VCAM1: variants seen among roughly 807,000 people sequenced by gnomAD.
The protein encoded by VCAM1 is vascular cell adhesion molecule 1.
In VCAM1, 41 loss-of-function variants were observed where a neutral mutation model predicts 63.8. The ratio of observed to expected loss-of-function variants is 0.64; its 90% CI spans 0.50 to 0.83. The LOEUF is 0.83. VCAM1 is among the 40% of genes least tolerant of loss of function. The pLI is 0.00. For missense variants in VCAM1, 798 were observed against 875.5 expected (o/e 0.91, Z 1.12); for synonymous variants, 338 against 320.7 (o/e 1.05, Z -0.58).
At chr1:100,724,585 A>T in intron 3 of VCAM1, 39 bp from the exon 4 acceptor site, 1 of 1,599,496 alleles carries the variant, frequency 6.3e-7, no homozygotes, top group Non-Finnish European at 8.5e-7. Context: ...CACTGGGATG[A>T]TGCTTAGCAA....
In VCAM1 at chr1:100,738,245, T is replaced by C. The variant is rs1660730071; in HGVS notation, c.2182T>C (p.Ser728Pro). The change falls in exon 9 of 9, where the codon TCA becomes CCA. Residue 728 changes from serine to proline, a missense_variant. Physicochemically the swap from Ser to Pro is moderately conservative, Grantham distance 74. Transcript: ENST00000294728. ...YFARKANMKG[S>P]YSLVEAQKSK... ...TGCAAGAAAAGCCAACATGAAGGGGTCATATAGTCTTGTAGAAGCACAGAA... is the reference window on the plus strand; with the variant it reads ...TGCAAGAAAAGCCAACATGAAGGGGCCATATAGTCTTGTAGAAGCACAGAA... 6.2e-7 allele frequency: 1 copy of C among 1,613,516 alleles called. No homozygotes were observed. Among genetic ancestry groups the C allele is most frequent in the African/African-American group, 1.3e-5 (1 of 74,870 alleles).
chr1:100,724,245 G>A (rs1660081530), intron 3 of VCAM1, among the ~76,000 whole-genome samples: 1 of 152,032 alleles, frequency 6.6e-6, no homozygotes. Flanking sequence ...AATATGTAGA[G>A]CTGTCCAAAA....
chr1:100,731,552 AC>A lies in VCAM1; in HGVS notation c.1525+36del, dbSNP rs766534804. ...ATATGTGAGGTATCTACAGTTTAAT[AC>A]CTGTCTCTTTATCGTGTTTGCCAGG... On this transcript the variant is annotated intron_variant, in intron 6 of 8. Coordinates refer to ENST00000294728, the MANE Select transcript of VCAM1 (RefSeq NM_001078.4). The surrounding 1 kb of genome is among the most constrained non-coding windows in gnomAD (Gnocchi z 4.2). The A allele has an allele frequency of 1.9e-6, 3 of 1,559,414 alleles. No homozygotes were observed. The South Asian group carries it at 3.6e-5, about 19-fold the overall frequency.
chr1:100,732,552 G>A lies in VCAM1; in HGVS notation c.1660G>A (p.Glu554Lys). Residue 554 changes from glutamate (E) to lysine (K), a missense_variant, in exon 7 of 9, where the codon GAG becomes AAG. Coordinates refer to ENST00000294728, the MANE Select transcript of VCAM1 (RefSeq NM_001078.4). ...ILWSRQLPNGELQPLSENATL... is the reference protein window; with the variant it reads ...ILWSRQLPNGKLQPLSENATL... ...GTGGAGCAGGCAGCTCCCTAACGGGGAGCTACAGCCTCTTTCTGAGAATGC... is the reference window on the plus strand; with the variant it reads ...GTGGAGCAGGCAGCTCCCTAACGGGAAGCTACAGCCTCTTTCTGAGAATGC... The A allele has an allele frequency of 1.2e-6, 2 of 1,613,228 alleles. No homozygotes were observed. The highest frequency in any genetic ancestry group is 1.7e-6 in the Non-Finnish European group (2 of 1,179,678).
Position 100,730,331 on chromosome 1 carries a change from GAGAACCAGC to G in VCAM1, c.1205-864_1205-856del, listed in dbSNP as rs533076580. ...AGATAGGCACATTCCCAGCAGAAATGAGAACCAGCAGTGGGGTCTTATTGCAACATAGAA... is the reference window on the plus strand; with the variant it reads ...AGATAGGCACATTCCCAGCAGAAATGAGTGGGGTCTTATTGCAACATAGAA... On this transcript the variant is annotated intron_variant, in intron 5 of 8. Coordinates refer to ENST00000294728, the MANE Select transcript of VCAM1 (RefSeq NM_001078.4). Among the ~76,000 whole-genome samples the G allele has an allele frequency of 9.2e-5, 14 of 152,192 alleles. No homozygotes were observed. The South Asian group carries it at 2.5e-3, about 27-fold the overall frequency.
At chr1:100,724,575 C>T (rs376937239) in intron 3 of VCAM1, 49 bp from the exon 4 acceptor site, 40 of 1,586,430 alleles carry the variant, frequency 2.5e-5, no homozygotes, top group Non-Finnish European at 3.4e-5. Context: ...ACCTCTGTTG[C>T]ACTGGGATGA....
intron 4 of VCAM1, 126 bp downstream of exon 4, chr1:100,725,016 C>A (rs1341091989): frequency 1.5e-5 from 18 of 1,219,918 alleles, no homozygotes; most frequent in Middle Eastern, 2.9e-4. Context: ...TTGCCATATC[C>A]TTTAGCACAA....
At chr1:100,725,604 T>G (rs1660134567) in intron 4 of VCAM1, among the ~76,000 whole-genome samples, 1 of 152,112 alleles carries the variant, frequency 6.6e-6, no homozygotes, top group Non-Finnish European at 1.5e-5. Context: ...TTTATCTCAT[T>G]AATCTTTACC....
chr1:100,719,789 C>T lies in VCAM1; in HGVS notation c.-72C>T. 6 of 1,527,878 alleles carry T rather than the reference C, an allele frequency of 3.9e-6. No homozygotes were observed. Among genetic ancestry groups the T allele is most frequent in the Non-Finnish European group, 4.5e-6 (5 of 1,114,168 alleles). The allele number at this position is 1,527,878 out of a possible 1,614,324, so 94.6% of individuals were successfully genotyped here. ...CTGGCTTCAGGAGCTGAATACCCTC[C>T]CAGGCACACACAGGTGGGACACAAA... On this transcript the variant is annotated 5_prime_UTR_variant, in exon 1 of 9. Coordinates refer to ENST00000294728, the MANE Select transcript of VCAM1 (RefSeq NM_001078.4).
rs772031058 is a variant in VCAM1, at chr1:100,719,883, T to A, written c.23T>A (p.Ile8Asn). MPGKMVV[I>N]LGASNILWIM... ...AAAATGCCTGGGAAGATGGTCGTGATCCTTGGAGCCTCAAATATACTTTGG... is the reference window on the plus strand; with the variant it reads ...AAAATGCCTGGGAAGATGGTCGTGAACCTTGGAGCCTCAAATATACTTTGG... Residue 8 changes from isoleucine to asparagine, a missense_variant, in exon 1 of 9, where the codon ATC (isoleucine) becomes AAC (asparagine). Coordinates refer to ENST00000294728, the MANE Select transcript of VCAM1 (RefSeq NM_001078.4). The A allele has an allele frequency of 5.6e-6, 9 of 1,611,654 alleles. No homozygotes were observed. In the Admixed American group the frequency reaches 8.4e-5, roughly 15 times the overall value.
chr1:100,720,036 A>G (rs1350569505), intron 1 of VCAM1, 112 bp downstream of exon 1: 20 of 1,137,692 alleles, frequency 1.8e-5, no homozygotes, highest in Non-Finnish European at 2.3e-5. Flanking sequence ...GATTTTAAAC[A>G]GTAGGAAAAG....
chr1:100,731,604 T>TA lies in VCAM1; in HGVS notation c.1525+90dup. On this transcript the variant is annotated intron_variant, in intron 6 of 8. Transcript: ENST00000294728. This position sits in a 1 kb window ranked among gnomAD's most constrained non-coding sequence, Gnocchi z 4.2. ...CAATAGTTAACATAAGGTTAATCGT[T>TA]AAAACCTCTGTGGAGAAAAAACGTT... The TA allele has an allele frequency of 7.8e-7, 1 of 1,286,796 alleles. No individual in the cohort carries two copies. The highest frequency in any genetic ancestry group is 1.1e-6 in the Non-Finnish European group (1 of 938,600). 79.7% of individuals were successfully genotyped at this position (1,286,796 alleles called of 1,614,324 possible). A position where few individuals can be genotyped will look rare whatever the true frequency, so the allele number is the denominator to read the frequency against.
At position 100,724,666 on chromosome 1, in the gene VCAM1, A is replaced by G. The variant is rs755354050; in HGVS notation, c.704A>G (p.Lys235Arg). The part of the protein sequence containing the change: ...NTVISVNPST[K>R]LQEGGSVTMT... The stretch of plus-strand genomic sequence containing the variant: ...GTTATTTCTGTGAATCCATCCACAA[A>G]GCTGCAAGAAGGTGGCTCTGTGACC... The change falls in exon 4 of 9, where the codon AAG becomes AGG. Residue 235 changes from lysine to arginine, a missense_variant. Transcript: ENST00000294728. The G allele has an allele frequency of 3.1e-6, 5 of 1,613,052 alleles. No individual in the cohort carries two copies. The highest frequency in any genetic ancestry group is 2.5e-6 in the Non-Finnish European group (3 of 1,179,384).
At chr1:100,732,836 T>C in intron 7 of VCAM1, 152 bp downstream of exon 7, 2 of 847,912 alleles carry the variant, frequency 2.4e-6, no homozygotes, top group Non-Finnish European at 3.4e-6. Flanking sequence ...TATGGAGAAA[T>C]CTCCTGAAAT....
intron 7 of VCAM1, 115 bp from the exon 8 acceptor site, chr1:100,734,387 A>T: frequency 8.6e-7 from 1 of 1,163,748 alleles, no homozygotes; most frequent in Non-Finnish European, 1.2e-6. Context: ...TTAACATTTA[A>T]TGCAAACGCT....
Position 100,719,772 on chromosome 1 carries a change from A to C in VCAM1, c.-89A>C. The C allele has an allele frequency of 2.9e-6, 4 of 1,373,256 alleles. No individual in the cohort carries two copies. The highest frequency in any genetic ancestry group is 4.0e-6 in the Non-Finnish European group (4 of 991,184). The allele number at this position is 1,373,256 out of a possible 1,614,324, so 85.1% of individuals were successfully genotyped here. ...ATCTGCATCGGGCCTCACTGGCTTC[A>C]GGAGCTGAATACCCTCCCAGGCACA... On this transcript the variant is annotated 5_prime_UTR_variant, in exon 1 of 9. Coordinates refer to ENST00000294728, the MANE Select transcript of VCAM1 (RefSeq NM_001078.4).
At chr1:100,721,326 C>T (rs960173316) in intron 2 of VCAM1, among the ~76,000 whole-genome samples, 3 of 151,422 alleles carry the variant, frequency 2.0e-5, no homozygotes, top group African/African-American at 7.3e-5. Context: ...TTTTTTGGTG[C>T]CATGAAGCCT....
At chr1:100,737,707 TG>T (rs1660706609) in intron 8 of VCAM1, 2 of 153,662 alleles carry the variant, frequency 1.3e-5, no homozygotes, top group South Asian at 4.1e-4. Flanking sequence ...CTTAGAGAAC[TG>T]GTTAGTCATT....
intron 3 of VCAM1, among the ~76,000 whole-genome samples, chr1:100,723,737 G>A (rs1171154865): frequency 1.3e-5 from 2 of 152,168 alleles, no homozygotes; most frequent in Non-Finnish European, 2.9e-5. Flanking sequence ...AACTTGACAA[G>A]GTGATCACTT....
Sources: allele counts gnomAD v4.1 joint callset (sites outside exome capture counted in the v4.1 genomes callset), GRCh38; gene constraint gnomAD v4.1.1; non-coding constraint Gnocchi (gnomAD v3.1); transcripts MANE v1.5; gene names NCBI Gene and HGNC (gene_info 2026-07-23, HGNC 2026-07-21).